The following ARID5B variants were observed in gnomAD, a reference collection of about 807,000 sequenced individuals.
ARID5B encodes AT-rich interactive domain-containing protein 5B.
ARID5B carries 13 observed loss-of-function variants against 97.2 expected under a neutral mutation model. The ratio of observed to expected loss-of-function variants is 0.13; its 90% CI spans 0.09 to 0.21. The LOEUF is 0.21. Among genes scored for constraint, ARID5B ranks in the 10% least tolerant of loss-of-function variants. The pLI is 1.00. For missense variants in ARID5B, 1,210 were observed against 1,465.3 expected, an observed-to-expected ratio of 0.83 and a Z score of 2.84; for synonymous variants, 556 against 570.3, an observed-to-expected ratio of 0.97 and a Z score of 0.36.
chr10:62,010,536 C>T (rs1839203899), intron 4 of ARID5B, among the ~76,000 whole-genome samples: 1 of 152,210 alleles, frequency 6.6e-6, no homozygotes, highest in Non-Finnish European at 1.5e-5. Flanking sequence ...TTCGTGACCT[C>T]AGTCTTTCAG....
chr10:62,077,752 G>C (rs990391651), intron 8 of ARID5B, among the ~76,000 whole-genome samples: 5 of 152,116 alleles, frequency 3.3e-5, no homozygotes, highest in African/African-American at 9.7e-5. Flanking sequence ...AATAACAAAA[G>C]GTTTCTACTT....
At chr10:61,915,711 C>T (rs1439724762) in intron 2 of ARID5B, among the ~76,000 whole-genome samples, 1 of 152,184 alleles carries the variant, frequency 6.6e-6, no homozygotes, top group Admixed American at 6.5e-5. Context: ...AACTAAGGCC[C>T]ATAGGCCAAC....
rs1451565101 is a variant in ARID5B at position 62,092,082 on chromosome 10, C to A, written c.2619C>A (p.His873Gln). The change falls in exon 10 of 10, where the codon CAC (histidine) becomes CAA (glutamine). Residue 873 changes from histidine (H) to glutamine (Q), a missense_variant. Physicochemically the swap from His to Gln is conservative, Grantham distance 24. Transcript: ENST00000279873. ...RESENSSFPS[H>Q]RHQEKLHVNY... The stretch of plus-strand genomic sequence containing the variant: ...CGGAAAACAGTTCTTTTCCTTCCCA[C>A]AGACACCAAGAAAAGCTCCATGTAA... 1.2e-6 allele frequency: 2 copies of A among 1,613,770 alleles called. No individual in the cohort carries two copies. The highest frequency in any genetic ancestry group is 1.7e-6 in the Non-Finnish European group (2 of 1,179,914).
At chr10:61,949,659 C>CA (rs1198322767) in intron 3 of ARID5B, among the ~76,000 whole-genome samples, 7 of 151,712 alleles carry the variant, frequency 4.6e-5, no homozygotes, top group Non-Finnish European at 8.8e-5. Flanking sequence ...CACGCCCCCA[C>CA]AAAAAAAGAC....
At chr10:62,083,637 C>G (rs1447696986) in intron 8 of ARID5B, among the ~76,000 whole-genome samples, 1 of 152,216 alleles carries the variant, frequency 6.6e-6, no homozygotes, top group Non-Finnish European at 1.5e-5. Flanking sequence ...CATTGGAATA[C>G]CCAGACTACA....
At chr10:61,977,974 A>G in intron 3 of ARID5B, among the ~76,000 whole-genome samples, 1 of 152,138 alleles carries the variant, frequency 6.6e-6, no homozygotes, top group Non-Finnish European at 1.5e-5. Flanking sequence ...GTTTTCTTCT[A>G]GGGTTTTTAT....
chr10:62,009,639 C>T (rs1839191672), intron 4 of ARID5B, among the ~76,000 whole-genome samples: 1 of 152,170 alleles, frequency 6.6e-6, no homozygotes, highest in Non-Finnish European at 1.5e-5. Context: ...TGCTTTTCTG[C>T]TACAAATGCA....
At chr10:61,925,648 G>A (rs1844091144) in intron 2 of ARID5B, among the ~76,000 whole-genome samples, 2 of 152,150 alleles carry the variant, frequency 1.3e-5, no homozygotes, top group African/African-American at 4.8e-5. Context: ...GAGGAAAAAG[G>A]TACATGCATG....
chr10:61,940,458 C>A (rs1455150617), intron 3 of ARID5B, 50 bp downstream of exon 3: 2 of 1,498,612 alleles, frequency 1.3e-6, no homozygotes, highest in Non-Finnish European at 1.8e-6. Context: ...TATATAGTAA[C>A]TTTTCGGTTG....
chr10:62,092,890 C>T lies in ARID5B; in HGVS notation c.3427C>T (p.His1143Tyr), dbSNP rs1276332232. ...GACAAATTCTCAGCAGCTGTACAGA[C>T]ACTTGGCTGCGGCTACACCTGTAGG... ...SPTNSQQLYR[H>Y]LAAATPVGSS... The change falls in exon 10 of 10, where the codon CAC (histidine) becomes TAC (tyrosine). Residue 1143 changes from histidine to tyrosine, a missense_variant. Coordinates refer to ENST00000279873, the MANE Select transcript of ARID5B (RefSeq NM_032199.3). The T allele has an allele frequency of 6.2e-7, 1 of 1,614,120 alleles. No homozygotes were observed. The highest frequency in any genetic ancestry group is 8.5e-7 in the Non-Finnish European group (1 of 1,180,052).
At chr10:61,908,717 G>A (rs545117851) in intron 2 of ARID5B, among the ~76,000 whole-genome samples, 59 of 146,412 alleles carry the variant, frequency 4.0e-4, no homozygotes, top group South Asian at 1.5e-3. Flanking sequence ...GGAGAATGGC[G>A]TGAACCCGGG....
intron 3 of ARID5B, among the ~76,000 whole-genome samples, chr10:61,942,202 G>A (rs1844422537): frequency 6.6e-6 from 1 of 152,066 alleles, no homozygotes; most frequent in Non-Finnish European, 1.5e-5. Context: ...AGGAAAATAA[G>A]TCTAATTTCT....
At chr10:61,992,752 T>C (rs1409645598) in intron 3 of ARID5B, among the ~76,000 whole-genome samples, 7 of 152,336 alleles carry the variant, frequency 4.6e-5, no homozygotes, top group African/African-American at 1.2e-4. Context: ...TGTTCTGTTA[T>C]GTTAAAAGTA....
At chr10:61,963,690 G>A (rs958789417) in intron 3 of ARID5B, among the ~76,000 whole-genome samples, 3 of 152,004 alleles carry the variant, frequency 2.0e-5, no homozygotes, top group African/African-American at 7.2e-5. Flanking sequence ...GAGGGTGTTA[G>A]TGGGAGGTTG....
chr10:62,015,987 C>T lies in ARID5B; in HGVS notation c.733+15666C>T, dbSNP rs369486061. 2.2e-4 allele frequency among the ~76,000 whole-genome samples: 34 copies of T among 152,256 alleles called. 4 individuals carry two copies. Among genetic ancestry groups the T allele is most frequent in the Admixed American group, 1.9e-3 (29 of 15,290 alleles). On this transcript the variant is annotated intron_variant, in intron 4 of 9. Transcript: ENST00000279873. ...TATCTGGCATATGTGGAGCACTTGC[C>T]GTAGGTGAATTGTTCGACTAAGACT...
intron 2 of ARID5B, among the ~76,000 whole-genome samples, chr10:61,905,950 C>T (rs1031423639): frequency 1.3e-5 from 2 of 152,122 alleles, no homozygotes; most frequent in Admixed American, 6.6e-5. Flanking sequence ...TTCCAGTGTT[C>T]GCAACTGGTG....
At chr10:61,938,476 A>G (rs1280317931) in intron 2 of ARID5B, among the ~76,000 whole-genome samples, 2 of 152,198 alleles carry the variant, frequency 1.3e-5, no homozygotes, top group African/African-American at 4.8e-5. Flanking sequence ...CTGTTCCCAT[A>G]TGCTTTGAAA....
chr10:62,089,528 C>CTTTTTT (rs34423923), intron 9 of ARID5B, among the ~76,000 whole-genome samples: 10 of 101,528 alleles, frequency 9.8e-5, no homozygotes, highest in East Asian at 2.4e-4. Context: ...CCTTCTTTTT[C>CTTTTTT]TTTTTTTTTT....
intron 2 of ARID5B, among the ~76,000 whole-genome samples, chr10:61,916,908 G>A (rs995068746): frequency 3.3e-5 from 5 of 152,148 alleles, no homozygotes; most frequent in Admixed American, 1.3e-4. Context: ...CTCTGGGTCA[G>A]GCAGATAAGA....
Sources: gnomAD v4.1 joint callset for allele counts (sites outside exome capture counted in the v4.1 genomes callset) on GRCh38, gnomAD v4.1.1 for gene constraint, MANE v1.5 for transcripts, NCBI Gene and HGNC (gene_info 2026-07-23, HGNC 2026-07-21) for gene names.